Variants in TTLL11 observed in about 807,000 individuals in gnomAD.
The protein encoded by TTLL11 is tubulin polyglutamylase TTLL11.
A neutral mutation model predicts 51.7 loss-of-function variants in TTLL11; 42 were observed. The observed-to-expected ratio is 0.81, with a 90% CI of 0.64 to 1.05. The LOEUF is 1.05. Among genes scored for constraint, TTLL11 ranks in the 50% least tolerant of loss-of-function variants. TTLL11 has a pLI of 0.00. For missense variants in TTLL11, 799 were observed against 940.4 expected (o/e 0.85, Z 1.97); for synonymous variants, 381 against 383.5 (o/e 0.99, Z 0.08).
At chr9:121,884,975 G>A (rs1024933135) in intron 6 of TTLL11, 16 of 152,194 alleles carry the variant, frequency 1.1e-4, no homozygotes, top group Admixed American at 1.0e-3. Flanking sequence ...ACAAACCCAT[G>A]AGTACCCACT....
At chr9:121,871,714 C>T (rs967139619) in intron 6 of TTLL11, among the ~76,000 whole-genome samples, 2 of 152,208 alleles carry the variant, frequency 1.3e-5, no homozygotes, top group Non-Finnish European at 2.9e-5. Flanking sequence ...TGAGGCCCTT[C>T]CCGAGTTCTT....
At chr9:122,092,386 G>A (rs148209786) in intron 1 of TTLL11, among the ~76,000 whole-genome samples, 1 of 152,184 alleles carries the variant, frequency 6.6e-6, no homozygotes, top group African/African-American at 2.4e-5. Flanking sequence ...GGAGACAGAC[G>A]TACACATATC....
chr9:122,038,932 C>T (rs990009244), intron 2 of TTLL11, among the ~76,000 whole-genome samples: 1 of 152,102 alleles, frequency 6.6e-6, no homozygotes, highest in Non-Finnish European at 1.5e-5. Flanking sequence ...ATGACATATG[C>T]CTAGAATTTT....
At chr9:122,062,301 C>T (rs547054740) in intron 1 of TTLL11, among the ~76,000 whole-genome samples, 9 of 152,140 alleles carry the variant, frequency 5.9e-5, no homozygotes, top group South Asian at 2.1e-4. Context: ...TTTCTCCCAG[C>T]CTCAGTGCTA....
intron 6 of TTLL11, among the ~76,000 whole-genome samples, chr9:121,922,076 T>C (rs1239967455): frequency 2.0e-5 from 3 of 152,202 alleles, no homozygotes; most frequent in Non-Finnish European, 2.9e-5. Context: ...CTGCTGCTGC[T>C]GTTGTTCCTC....
At position 121,855,896 on chromosome 9, in the gene TTLL11, T is replaced by C. The variant is rs1837802118; in HGVS notation, c.1840+4441A>G. 3.9e-5 allele frequency among the ~76,000 whole-genome samples: 6 copies of C among 152,164 alleles called. No homozygotes were observed. In the South Asian group the frequency reaches 1.2e-3, roughly 32 times the overall value. ...TGCTACGTGCCTTGTATGCGTTCTA[T>C]CTTAACCCTCACAGCAACCTTCCTC... On this transcript the variant is annotated intron_variant, in intron 8 of 8. Transcript: ENST00000321582.
At chr9:122,073,050 G>A (rs914153192) in intron 1 of TTLL11, among the ~76,000 whole-genome samples, 11 of 152,218 alleles carry the variant, frequency 7.2e-5, no homozygotes, top group African/African-American at 2.7e-4. Context: ...GCATTGTGCA[G>A]TATGAGGATC....
intron 3 of TTLL11, among the ~76,000 whole-genome samples, chr9:122,015,625 G>T (rs1024663294): frequency 1.3e-5 from 2 of 152,054 alleles, no homozygotes; most frequent in Non-Finnish European, 2.9e-5. Context: ...GTGGCTGAAG[G>T]TTGGGTCATC....
chr9:122,019,752 C>A (rs1844109691), intron 3 of TTLL11, among the ~76,000 whole-genome samples: 1 of 152,146 alleles, frequency 6.6e-6, no homozygotes, highest in African/African-American at 2.4e-5. Context: ...TGGCTGTGTC[C>A]CCACCCAAAT....
At chr9:121,832,729 C>T (rs985190302) in intron 8 of TTLL11, among the ~76,000 whole-genome samples, 1 of 152,138 alleles carries the variant, frequency 6.6e-6, no homozygotes, top group Non-Finnish European at 1.5e-5. Flanking sequence ...CACCTGAAGT[C>T]AGGAGTTCGA....
intron 1 of TTLL11, among the ~76,000 whole-genome samples, chr9:122,082,626 G>T (rs28643563): frequency 0.082 from 12,520 of 152,110 alleles, 948 homozygotes; most frequent in African/African-American, 0.21. Context: ...GGACTATTAG[G>T]TTGTTAAAAT....
intron 1 of TTLL11, among the ~76,000 whole-genome samples, chr9:122,077,052 A>C (rs1180206209): frequency 1.3e-5 from 2 of 152,208 alleles, no homozygotes; most frequent in East Asian, 3.8e-4. Flanking sequence ...ATAGCTATCA[A>C]CTTAGAACAG....
At chr9:121,971,033 C>T (rs1228958268) in intron 6 of TTLL11, among the ~76,000 whole-genome samples, 3 of 146,170 alleles carry the variant, frequency 2.1e-5, no homozygotes, top group African/African-American at 5.0e-5. Context: ...GGGTCAGCCC[C>T]CCGCCCGGTC....
rs958819535 is a variant in TTLL11 at position 121,870,501 on chromosome 9, T to C, written c.1729A>G (p.Ile577Val). 5.2e-6 allele frequency: 8 copies of C among 1,551,526 alleles called. No individual in the cohort carries two copies. In the Admixed American group the frequency reaches 1.6e-4, roughly 30 times the overall value. Residue 577 changes from isoleucine to valine, a missense_variant, in exon 7 of 9, where the codon ATA becomes GTA. By Grantham distance (29) the Ile-to-Val change is conservative (BLOSUM62 3). This residue lies in a region of TTLL11 where 468 missense variants were observed against 612.8 expected (regional missense o/e 0.76). Transcript: ENST00000321582. ...KLGPTGFRTF[I>V]RSCKLSSSSL... ...GAGGGGGCTGTTCTCACTGACCTTA[T>C]GAAGGTACGAAAGCCTGTTGGCCCC...
At chr9:121,863,243 T>G (rs1838073427) in intron 7 of TTLL11, among the ~76,000 whole-genome samples, 3 of 152,206 alleles carry the variant, frequency 2.0e-5, no homozygotes, top group South Asian at 4.1e-4. Flanking sequence ...GACGGCTATC[T>G]ACTGGGTTCT....
At chr9:121,999,048 C>T (rs1057084298) in intron 3 of TTLL11, among the ~76,000 whole-genome samples, 1 of 152,198 alleles carries the variant, frequency 6.6e-6, no homozygotes, top group Non-Finnish European at 1.5e-5. Flanking sequence ...AAGACAGGGG[C>T]AGTATTTCCC....
chr9:121,877,216 C>A (rs1184170667), intron 6 of TTLL11, among the ~76,000 whole-genome samples: 2 of 152,306 alleles, frequency 1.3e-5, no homozygotes, highest in South Asian at 4.1e-4. Flanking sequence ...GGCATTCCTG[C>A]AGAAAATGCT....
chr9:121,897,399 G>C (rs1839566578), intron 6 of TTLL11, among the ~76,000 whole-genome samples: 1 of 152,018 alleles, frequency 6.6e-6, no homozygotes, highest in Non-Finnish European at 1.5e-5. Flanking sequence ...TGGGGGCTGC[G>C]GTCATTCTTC....
intron 3 of TTLL11, among the ~76,000 whole-genome samples, chr9:122,016,320 A>G (rs1843977902): frequency 6.6e-6 from 1 of 152,216 alleles, no homozygotes; most frequent in Admixed American, 6.5e-5. Context: ...AATGGGGACA[A>G]GCGTAGCTGC....
Sources: gnomAD v4.1 joint callset for allele counts (sites outside exome capture counted in the v4.1 genomes callset) on GRCh38, gnomAD v4.1.1 for gene constraint, gnomAD v4.1.1 regional missense constraint, MANE v1.5 for transcripts, NCBI Gene and HGNC (gene_info 2026-07-23, HGNC 2026-07-21) for gene names.